Variants in COL14A1 observed in about 807,000 individuals in gnomAD.
The protein encoded by COL14A1 is collagen alpha-1(XIV) chain.
Under a neutral mutation model 230.3 loss-of-function variants are expected in COL14A1, and 136 were observed. That is an observed-to-expected ratio of 0.59 (90% CI 0.51 to 0.68). The LOEUF (loss-of-function observed/expected upper bound fraction) is 0.68. Among genes scored for constraint, COL14A1 ranks in the 30% least tolerant of loss-of-function variants. The pLI is 0.00. For synonymous variants in COL14A1, 792 were observed against 784.1 expected, an observed-to-expected ratio of 1.01 and a Z score of -0.17; for missense variants, 1,976 against 2,215.8, an observed-to-expected ratio of 0.89 and a Z score of 2.17.
At chr8:120,360,666 G>A (rs1823167170) in intron 45 of COL14A1, among the ~76,000 whole-genome samples, 1 of 152,212 alleles carries the variant, frequency 6.6e-6, no homozygotes, top group South Asian at 2.1e-4. Flanking sequence ...ATATTCTGCT[G>A]TAGCTGTTTT....
intron 2 of COL14A1, among the ~76,000 whole-genome samples, chr8:120,152,500 A>G (rs1586720225): frequency 1.3e-5 from 2 of 150,446 alleles, no homozygotes; most frequent in African/African-American, 2.4e-5. Context: ...AAAAAGACAT[A>G]CAGGAAATTA....
At chr8:120,322,149 C>T (rs9650079) in intron 40 of COL14A1, among the ~76,000 whole-genome samples, 68,252 of 149,874 alleles carry the variant, frequency 0.46, 15,699 homozygotes, top group African/African-American at 0.54. Flanking sequence ...TGCATGTTCT[C>T]ACTTATAAGT....
intron 45 of COL14A1, among the ~76,000 whole-genome samples, chr8:120,351,673 C>T (rs1479575221): frequency 7.9e-6 from 1 of 126,574 alleles, no homozygotes; most frequent in Non-Finnish European, 1.7e-5. Flanking sequence ...ATACACTCTC[C>T]CAAGACTAAA....
chr8:120,288,964 C>A (rs1276668016), intron 33 of COL14A1, among the ~76,000 whole-genome samples: 1 of 152,086 alleles, frequency 6.6e-6, no homozygotes, highest in African/African-American at 2.4e-5. Flanking sequence ...TTGACTATCA[C>A]CTAAATAAGA....
At chr8:120,150,651 G>T (rs1205235673) in intron 2 of COL14A1, among the ~76,000 whole-genome samples, 1 of 152,084 alleles carries the variant, frequency 6.6e-6, no homozygotes, top group Non-Finnish European at 1.5e-5. Context: ...CCAGTACAGA[G>T]CAATGTTTCA....
chr8:120,306,253 T>A (rs1031058773), intron 36 of COL14A1, among the ~76,000 whole-genome samples: 3 of 152,094 alleles, frequency 2.0e-5, no homozygotes, highest in Non-Finnish European at 4.4e-5. Flanking sequence ...TCATCTGTAA[T>A]TTACTGGAAC....
rs564438415 is a variant in COL14A1, at chr8:120,285,768, A to G, written c.3968-93A>G. 172 of 775,474 alleles carry G rather than the reference A, an allele frequency of 2.2e-4. 3 individuals are homozygous for G. The South Asian group carries it at 2.6e-3, about 12-fold the overall frequency. The allele number at this position is 775,474 out of a possible 1,614,324, so 48.0% of individuals were successfully genotyped here. Reference sequence around the variant, plus strand: ...TCATTCTAAATACAGTTTCAAAACAATCGATGCATTGTTTTGTTTTGAGTT... The same window carrying G: ...TCATTCTAAATACAGTTTCAAAACAGTCGATGCATTGTTTTGTTTTGAGTT... On this transcript the variant is annotated intron_variant, in intron 32 of 47. Transcript: ENST00000297848.
intron 14 of COL14A1, among the ~76,000 whole-genome samples, chr8:120,218,557 G>A (rs1441330119): frequency 2.6e-5 from 4 of 152,004 alleles, no homozygotes; most frequent in African/African-American, 7.2e-5. Context: ...CAATCCGCCC[G>A]CCTAGGCCTC....
At chr8:120,338,517 G>A (rs1269989129) in intron 42 of COL14A1, among the ~76,000 whole-genome samples, 1 of 152,036 alleles carries the variant, frequency 6.6e-6, no homozygotes, top group African/African-American at 2.4e-5. Context: ...ATATAGGGTT[G>A]TTATAAAGAA....
In COL14A1 at chr8:120,203,853, A is replaced by G. The variant is rs200988111; in HGVS notation, c.1022A>G (p.Gln341Arg). ...ACTCTCTGCTCTAGAGTGGAAGAAC[A>G]GGACAGAGAAATTAAAGGTAAAATG... ...TRTLCSRVEEQDREIKASAHA... is the reference protein window; with the variant it reads ...TRTLCSRVEERDREIKASAHA... Residue 341 changes from glutamine (Q) to arginine (R), a missense_variant, in exon 9 of 48, where the codon CAG (glutamine) becomes CGG (arginine). Physicochemically the swap from Gln to Arg is conservative, Grantham distance 43. Transcript: ENST00000297848. The G allele has an allele frequency of 1.1e-4, 170 of 1,613,566 alleles. No homozygotes were observed. Among genetic ancestry groups the G allele is most frequent in the Middle Eastern group, 1.6e-4 (1 of 6,076 alleles).
intron 1 of COL14A1, among the ~76,000 whole-genome samples, chr8:120,131,552 G>A (rs1814524947): frequency 6.6e-6 from 1 of 151,916 alleles, no homozygotes; most frequent in Admixed American, 6.6e-5. Context: ...ATTTTTAATA[G>A]GGTTATTTGT....
intron 40 of COL14A1, among the ~76,000 whole-genome samples, chr8:120,320,035 C>CT (rs1160897698): frequency 6.6e-6 from 1 of 151,474 alleles, no homozygotes; most frequent in Admixed American, 6.6e-5. Context: ...TTGAGCTCCT[C>CT]TAATATATGG....
chr8:120,155,012 C>T (rs754356790), intron 2 of COL14A1, among the ~76,000 whole-genome samples: 5 of 152,102 alleles, frequency 3.3e-5, no homozygotes, highest in Non-Finnish European at 7.4e-5. Flanking sequence ...AGGCCTCTTT[C>T]TTTTTTAACT....
intron 42 of COL14A1, among the ~76,000 whole-genome samples, chr8:120,336,017 G>A (rs902580713): frequency 6.6e-6 from 1 of 152,132 alleles, no homozygotes. Flanking sequence ...CTAGCCTTTT[G>A]GAATGTCAGT....
At chr8:120,262,831 A>G (rs1182632426) in intron 23 of COL14A1, 37 bp from the exon 24 acceptor site, 2 of 1,580,088 alleles carry the variant, frequency 1.3e-6, no homozygotes, top group African/African-American at 1.4e-5. Flanking sequence ...AAAATTTCAT[A>G]TGTGTGTGTT....
At chr8:120,216,258 A>C (rs900537206) in intron 13 of COL14A1, 93 bp from the exon 14 acceptor site, 18 of 998,540 alleles carry the variant, frequency 1.8e-5, no homozygotes, top group Non-Finnish European at 1.9e-5. Context: ...GACACTTTTC[A>C]TATGTAAATA....
At chr8:120,160,319 C>A (rs1374101515) in intron 3 of COL14A1, among the ~76,000 whole-genome samples, 1 of 152,112 alleles carries the variant, frequency 6.6e-6, no homozygotes, top group Non-Finnish European at 1.5e-5. Context: ...CATGTCTGAT[C>A]TGGAAAGGTA....
At chr8:120,176,827 C>A (rs1371719588) in intron 5 of COL14A1, among the ~76,000 whole-genome samples, 2 of 152,156 alleles carry the variant, frequency 1.3e-5, no homozygotes, top group East Asian at 3.9e-4. Flanking sequence ...TCCTCTTCTT[C>A]TTTCCCAGTT....
chr8:120,158,183 A>G lies in COL14A1; in HGVS notation c.142A>G (p.Ile48Val). 1 of 1,611,384 alleles carries G rather than the reference A, an allele frequency of 6.2e-7. No homozygotes were observed. The highest frequency in any genetic ancestry group is 8.5e-7 in the Non-Finnish European group (1 of 1,178,392). The change falls in exon 3 of 48, where the codon ATT becomes GTT. Residue 48 changes from isoleucine to valine, a missense_variant. By Grantham distance (29) the Ile-to-Val change is conservative. Coordinates refer to ENST00000297848, the MANE Select transcript of COL14A1 (RefSeq NM_021110.4). ...YNVISHDSIQ[I>V]SWKAPRGKFG... is the part of the protein sequence containing the mutation. ...TGTAATATCTCATGACAGTATACAG[A>G]TTTCATGGAAGGCTCCAAGAGGGAA...
Sources: gnomAD v4.1 joint callset for allele counts (sites outside exome capture counted in the v4.1 genomes callset) on GRCh38, gnomAD v4.1.1 for gene constraint, MANE v1.5 for transcripts, NCBI Gene and HGNC (gene_info 2026-07-23, HGNC 2026-07-21) for gene names.